The following SNX24 variants were observed in gnomAD, a reference collection of about 807,000 sequenced individuals.
The protein encoded by SNX24 is sorting nexin 24, also known as sorting nexin-24.
Under a neutral mutation model 28.7 loss-of-function variants are expected in SNX24, and 22 were observed. That is an observed-to-expected ratio of 0.77 (90% CI 0.55 to 1.10). The LOEUF is 1.10. Among genes scored for constraint, SNX24 ranks in the 50% least tolerant of loss-of-function variants. The probability of loss-of-function intolerance (pLI) is 0.00; values close to 1 mark genes in which losing one functional copy is unlikely to be tolerated. For missense variants in SNX24, 221 were observed against 201.1 expected, an observed-to-expected ratio of 1.10 and a Z score of -0.60; for synonymous variants, 69 against 71.5, an observed-to-expected ratio of 0.96 and a Z score of 0.18.
intron 5 of SNX24, chr5:123,026,020 T>C: frequency 6.7e-7 from 1 of 1,487,638 alleles, no homozygotes; most frequent in South Asian, 1.3e-5. Flanking sequence ...AAGTCAGCTC[T>C]TCAAAGGGAA....
chr5:122,911,883 T>C (rs1235555166), intron 1 of SNX24, among the ~76,000 whole-genome samples: 76 of 148,630 alleles, frequency 5.1e-4, no homozygotes, highest in Non-Finnish European at 9.3e-4. Flanking sequence ...CCTTGTAGTA[T>C]AGTTTGAAGT....
intron 1 of SNX24, among the ~76,000 whole-genome samples, chr5:122,858,602 C>T (rs1296939798): frequency 6.6e-6 from 1 of 152,176 alleles, no homozygotes; most frequent in African/African-American, 2.4e-5. Flanking sequence ...AATTCCCATC[C>T]ATAGGGACTG....
chr5:122,866,900 A>G (rs1755745500), intron 1 of SNX24, among the ~76,000 whole-genome samples: 1 of 152,178 alleles, frequency 6.6e-6, no homozygotes, highest in South Asian at 2.1e-4. Flanking sequence ...ATTCCTCACT[A>G]TGGAACTATG....
intron 3 of SNX24, among the ~76,000 whole-genome samples, chr5:122,999,455 TACACAC>T (rs71928842): frequency 6.7e-6 from 1 of 149,748 alleles, no homozygotes; most frequent in Non-Finnish European, 1.5e-5. Context: ...TGTGGGGAGA[TACACAC>T]ACACACACAC....
chr5:122,959,317 C>A (rs565941475), intron 3 of SNX24, among the ~76,000 whole-genome samples: 1 of 147,784 alleles, frequency 6.8e-6, no homozygotes, highest in Non-Finnish European at 1.5e-5. Context: ...CCATTTATCT[C>A]TACTCTAATC....
At chr5:122,947,407 C>T (rs1759734432) in intron 3 of SNX24, among the ~76,000 whole-genome samples, 1 of 152,104 alleles carries the variant, frequency 6.6e-6, no homozygotes, top group Admixed American at 6.6e-5. Context: ...TGCCAGAATT[C>T]CGTTCCTGGC....
At chr5:122,945,446 A>G (rs1759640566) in intron 2 of SNX24, among the ~76,000 whole-genome samples, 1 of 152,188 alleles carries the variant, frequency 6.6e-6, no homozygotes, top group African/African-American at 2.4e-5. Context: ...ATTTTTGTTT[A>G]TTTATATTAT....
intron 5 of SNX24, chr5:123,023,772 TAAAA>T: frequency 9.8e-7 from 1 of 1,015,756 alleles, no homozygotes; most frequent in Non-Finnish European, 1.3e-6. Context: ...AAAAAGAAAG[TAAAA>T]AAAAAAAAGC....
At chr5:122,964,039 G>A (rs1760602254) in intron 3 of SNX24, among the ~76,000 whole-genome samples, 1 of 151,908 alleles carries the variant, frequency 6.6e-6, no homozygotes, top group Non-Finnish European at 1.5e-5. Flanking sequence ...TCAGGAGTTC[G>A]AGAGCAGCCT....
intron 3 of SNX24, among the ~76,000 whole-genome samples, chr5:122,968,482 T>G (rs557810618): frequency 1.1e-3 from 160 of 152,342 alleles, no homozygotes; most frequent in Non-Finnish European, 1.8e-3. Flanking sequence ...AAAGAACAAC[T>G]GTGTGACATC....
chr5:122,853,115 CTTTTTTTTTT>C (rs10530519), intron 1 of SNX24, among the ~76,000 whole-genome samples: 52 of 71,618 alleles, frequency 7.3e-4, no homozygotes, highest in African/African-American at 2.9e-3. Flanking sequence ...GTTCTTTAGC[CTTTTTTTTTT>C]TTTTTTTTTT....
At chr5:122,908,654 C>T (rs1437752902) in intron 1 of SNX24, among the ~76,000 whole-genome samples, 2 of 151,988 alleles carry the variant, frequency 1.3e-5, no homozygotes, top group Non-Finnish European at 2.9e-5. Flanking sequence ...TTTCCAACAC[C>T]GACTGCCAGA....
intron 2 of SNX24, 63 bp downstream of exon 2, chr5:122,936,880 A>T: frequency 1.1e-6 from 1 of 945,896 alleles, no homozygotes; most frequent in Non-Finnish European, 1.7e-6. Flanking sequence ...GTTAACTAAC[A>T]CTCCTTTCTG....
chr5:122,949,356 C>T (rs556871646), intron 3 of SNX24, among the ~76,000 whole-genome samples: 1 of 152,204 alleles, frequency 6.6e-6, no homozygotes, highest in Non-Finnish European at 1.5e-5. Context: ...TTTAGCATCT[C>T]TATTCAATTT....
intron 1 of SNX24, among the ~76,000 whole-genome samples, chr5:122,874,912 A>C (rs1756156286): frequency 6.6e-6 from 1 of 152,268 alleles, no homozygotes; most frequent in Admixed American, 6.5e-5. Flanking sequence ...AATAGATGCC[A>C]AGCCCTTAAC....
chr5:122,973,338 CTGCCCACTGGGAAGATT>C (rs1761035553), intron 3 of SNX24, among the ~76,000 whole-genome samples: 1 of 152,258 alleles, frequency 6.6e-6, no homozygotes, highest in South Asian at 2.1e-4. Flanking sequence ...GCTCAAAGTT[CTGCCCACTGGGAAGATT>C]TGCCTTCACC....
chr5:122,931,624 G>A (rs1024208181), intron 1 of SNX24, among the ~76,000 whole-genome samples: 9 of 151,930 alleles, frequency 5.9e-5, no homozygotes, highest in South Asian at 2.1e-4. Flanking sequence ...GCATGTATAT[G>A]TATATATATT....
chr5:122,853,217 C>T (rs1481288183), intron 1 of SNX24, among the ~76,000 whole-genome samples: 1 of 147,670 alleles, frequency 6.8e-6, no homozygotes, highest in Non-Finnish European at 1.5e-5. Context: ...AGCTCCGCTT[C>T]CCAGGTTCAC....
chr5:122,973,927 C>T (rs932124918), intron 3 of SNX24, among the ~76,000 whole-genome samples: 2 of 152,216 alleles, frequency 1.3e-5, no homozygotes, highest in African/African-American at 2.4e-5. Flanking sequence ...ACCTCAAGCA[C>T]CATTGGATCT....
Sources: gnomAD v4.1 joint callset for allele counts (sites outside exome capture counted in the v4.1 genomes callset) on GRCh38, gnomAD v4.1.1 for gene constraint, MANE v1.5 for transcripts, NCBI Gene and HGNC (gene_info 2026-07-23, HGNC 2026-07-21) for gene names.